SYNE1: variants seen among roughly 807,000 people sequenced by gnomAD.
SYNE1 encodes the protein spectrin repeat containing nuclear envelope protein 1.
Under a neutral mutation model 1,111.0 loss-of-function variants are expected in SYNE1, and 616 were observed. That is an observed-to-expected ratio of 0.55 (90% CI 0.52 to 0.59). The LOEUF (loss-of-function observed/expected upper bound fraction) is 0.59, where lower values mean the gene tolerates loss of function less well. Among genes scored for constraint, SYNE1 ranks in the 20% least tolerant of loss-of-function variants. SYNE1 has a pLI of 0.00. For synonymous variants in SYNE1, 3,855 were observed against 3,825.8 expected (o/e 1.01, Z -0.28); for missense variants, 10,006 against 10,417.0 (o/e 0.96, Z 1.72).
chr6:152,555,796 A>T (rs1051445475), intron 3 of SYNE1, among the ~76,000 whole-genome samples: 50 of 152,194 alleles, frequency 3.3e-4, no homozygotes, highest in Non-Finnish European at 7.1e-4. Context: ...AGAATGCATG[A>T]TATATTTTAT....
chr6:152,300,288 G>A lies in SYNE1; in HGVS notation c.17682+353C>T, dbSNP rs576706039. Among the ~76,000 whole-genome samples, 5 of 152,206 alleles carry A rather than the reference G, an allele frequency of 3.3e-5. No individual in the cohort carries two copies. The South Asian group carries it at 1.0e-3, about 32-fold the overall frequency. ...TTTCAATGCATGTTATAAAGCCATCGAATCACGTTATTTTACAATGGTGAC... is the reference window on the plus strand; with the variant it reads ...TTTCAATGCATGTTATAAAGCCATCAAATCACGTTATTTTACAATGGTGAC... On this transcript the variant is annotated intron_variant, in intron 93 of 145. Transcript: ENST00000367255.
At chr6:152,438,026 G>GA (rs946979046) in intron 32 of SYNE1, among the ~76,000 whole-genome samples, 6 of 151,984 alleles carry the variant, frequency 3.9e-5, no homozygotes, top group Non-Finnish European at 7.4e-5. Context: ...AAAAGAAGAA[G>GA]AAAAAATCAA....
intron 100 of SYNE1, 112 bp downstream of exon 100, chr6:152,267,944 T>A (rs2092857637): frequency 1.1e-6 from 1 of 913,456 alleles, no homozygotes; most frequent in Admixed American, 2.0e-5. Flanking sequence ...AAAAATAAGA[T>A]GACTAAATTT....
chr6:152,461,769 C>A, intron 20 of SYNE1, 29 bp from the exon 21 acceptor site: 2 of 1,613,626 alleles, frequency 1.2e-6, no homozygotes, highest in South Asian at 1.1e-5. Flanking sequence ...CAGCCAGATT[C>A]ATACATGACA....
At chr6:152,289,348 A>G (rs965110424) in intron 95 of SYNE1, among the ~76,000 whole-genome samples, 2 of 152,172 alleles carry the variant, frequency 1.3e-5, no homozygotes, top group Admixed American at 6.5e-5. Flanking sequence ...TAAGGGTGAA[A>G]AGAAACACGG....
chr6:152,421,339 G>T (rs574139086), intron 39 of SYNE1, among the ~76,000 whole-genome samples: 1 of 152,104 alleles, frequency 6.6e-6, no homozygotes, highest in Non-Finnish European at 1.5e-5. Context: ...TATGAAAAAC[G>T]TAGCAGCAAA....
chr6:152,609,153 G>A (rs1411387911), intron 3 of SYNE1, among the ~76,000 whole-genome samples: 3 of 152,016 alleles, frequency 2.0e-5, no homozygotes, highest in East Asian at 2.0e-4. Context: ...GTGAGCTGAC[G>A]AAGCAGGGTG....
intron 3 of SYNE1, among the ~76,000 whole-genome samples, chr6:152,555,188 T>C (rs773604763): frequency 3.3e-4 from 50 of 152,236 alleles, no homozygotes; most frequent in Admixed American, 5.9e-4. Context: ...GTCATAGATA[T>C]GTTGTGTCTT....
At chr6:152,196,953 T>C (rs1393215469) in intron 127 of SYNE1, among the ~76,000 whole-genome samples, 1 of 152,144 alleles carries the variant, frequency 6.6e-6, no homozygotes, top group African/African-American at 2.4e-5. Flanking sequence ...TCAGATTCTG[T>C]TGGCTGGGAT....
chr6:152,527,800 A>T (rs2099170352), intron 4 of SYNE1, among the ~76,000 whole-genome samples: 1 of 152,248 alleles, frequency 6.6e-6, no homozygotes. Context: ...GCACCCAAAA[A>T]TGATAAAATG....
chr6:152,430,716 G>T lies in SYNE1; in HGVS notation c.4462-7C>A, dbSNP rs776393742. Reference sequence around the variant, plus strand: ...CTATTTCCTGAATTGTGACCTAATAGTTAAAACAAGAAAAATGACAATGTA... The same window carrying T: ...CTATTTCCTGAATTGTGACCTAATATTTAAAACAAGAAAAATGACAATGTA... On this transcript the variant is annotated splice_region_variant and splice_polypyrimidine_tract_variant and intron_variant, in intron 34 of 145. Transcript: ENST00000367255. 2 of 1,612,418 alleles carry T rather than the reference G, an allele frequency of 1.2e-6. No homozygotes were observed. The highest frequency in any genetic ancestry group is 3.3e-5 in the Admixed American group (2 of 59,978).
chr6:152,381,149 G>C lies in SYNE1; in HGVS notation c.8866C>G (p.Gln2956Glu). ...TGAGCCACTTGGCCTGAGAATTCCT[G>C]CTCCGAAAGGGCCATCTGGCTGACC... ...NLVSQMALSE[Q>E]EFSGQVAQLE... The change falls in exon 56 of 146, where the codon CAG becomes GAG. Residue 2956 changes from glutamine to glutamate, a missense_variant. Physicochemically the swap from Gln to Glu is conservative, Grantham distance 29. Around this residue, in one of 7 missense-constraint regions of SYNE1, gnomAD observed 4,955 missense variants for 5,017.2 expected, o/e 0.99. Transcript: ENST00000367255. 5 of 1,614,146 alleles carry C rather than the reference G, an allele frequency of 3.1e-6. No individual in the cohort carries two copies. The highest frequency in any genetic ancestry group is 4.2e-6 in the Non-Finnish European group (5 of 1,180,032).
intron 66 of SYNE1, among the ~76,000 whole-genome samples, chr6:152,355,363 G>C (rs1394005363): frequency 1.3e-5 from 2 of 152,192 alleles, no homozygotes; most frequent in African/African-American, 4.8e-5. Flanking sequence ...ACATTGAATA[G>C]CTCAGTGCTA....
chr6:152,238,802 G>T (rs931876593), intron 108 of SYNE1, among the ~76,000 whole-genome samples: 1 of 152,086 alleles, frequency 6.6e-6, no homozygotes, highest in African/African-American at 2.4e-5. Flanking sequence ...ACATTTCCAC[G>T]GGGTTCTATA....
chr6:152,417,850 A>ATT (rs1433150912), intron 40 of SYNE1, among the ~76,000 whole-genome samples: 1 of 152,130 alleles, frequency 6.6e-6, no homozygotes, highest in Middle Eastern at 3.2e-3. Context: ...TAAATGTTTA[A>ATT]TTTTTTTAAC....
At chr6:152,217,006 T>C (rs1588031574) in intron 121 of SYNE1, among the ~76,000 whole-genome samples, 1 of 146,758 alleles carries the variant, frequency 6.8e-6, no homozygotes, top group Non-Finnish European at 1.5e-5. Flanking sequence ...GGGGTTGCAG[T>C]GAGCCGAGAT....
intron 3 of SYNE1, among the ~76,000 whole-genome samples, chr6:152,627,720 G>T (rs2099688703): frequency 6.6e-6 from 1 of 152,150 alleles, no homozygotes; most frequent in Non-Finnish European, 1.5e-5. Context: ...GCATCACTGA[G>T]GGATGCAGGA....
At chr6:152,526,273 G>T in intron 4 of SYNE1, 98 bp from the exon 5 acceptor site, 1 of 1,201,460 alleles carries the variant, frequency 8.3e-7, no homozygotes, top group Non-Finnish European at 1.2e-6. Flanking sequence ...GGTGAAATTT[G>T]TAGGAGAGGC....
At chr6:152,212,292 C>A (rs1383149153) in intron 123 of SYNE1, among the ~76,000 whole-genome samples, 1 of 152,144 alleles carries the variant, frequency 6.6e-6, no homozygotes, top group African/African-American at 2.4e-5. Flanking sequence ...TCTTCCCAAT[C>A]CTCCAGCCTT....
Sources: allele counts gnomAD v4.1 joint callset (sites outside exome capture counted in the v4.1 genomes callset), GRCh38; gene constraint gnomAD v4.1.1; regional missense constraint gnomAD v4.1.1; transcripts MANE v1.5; gene names NCBI Gene and HGNC (gene_info 2026-07-23, HGNC 2026-07-21).